Variants in CALCA observed in about 807,000 individuals in gnomAD.
CALCA encodes the protein calcitonin related polypeptide alpha, also known as calcitonin.
CALCA carries 4 observed loss-of-function variants against 6.9 expected under a neutral mutation model. That is an observed-to-expected ratio of 0.58 (90% CI 0.29 to 1.33). CALCA has a LOEUF of 1.33. Among genes scored for constraint, CALCA ranks in the 40% most tolerant of loss-of-function variants. The pLI is 0.09. For missense variants in CALCA, 174 were observed against 178.3 expected (o/e 0.98, Z 0.14); for synonymous variants, 78 against 70.0 (o/e 1.11, Z -0.57).
downstream of CALCA, chr11:14,967,570 T>C (rs1357110843): frequency 7.3e-7 from 1 of 1,367,002 alleles, no homozygotes; most frequent in Non-Finnish European, 1.0e-6. Context: ...CCTTCCCTTA[T>C]GGATTTTTTA....
intron 1 of CALCA, among the ~76,000 whole-genome samples, chr11:14,971,659 G>A (rs1849608994): frequency 6.6e-6 from 1 of 152,152 alleles, no homozygotes; most frequent in Non-Finnish European, 1.5e-5. Flanking sequence ...TCTGCAATTG[G>A]AATCTGAGAA....
chr11:14,969,394 T>G (rs1849536376), intron 3 of CALCA, among the ~76,000 whole-genome samples: 1 of 152,084 alleles, frequency 6.6e-6, no homozygotes, highest in Non-Finnish European at 1.5e-5. Flanking sequence ...CCTGACAACA[T>G]GCACATCTCC....
chr11:14,969,167 G>A (rs1485908747), intron 3 of CALCA, among the ~76,000 whole-genome samples, 170 bp from the exon 4 acceptor site: 2 of 152,134 alleles, frequency 1.3e-5, no homozygotes, highest in Non-Finnish European at 2.9e-5. Flanking sequence ...AGTGGGCTAG[G>A]GCAATGCAGG....
downstream of CALCA, chr11:14,967,158 C>T (rs1281170033): frequency 6.3e-6 from 1 of 157,544 alleles, no homozygotes; most frequent in Non-Finnish European, 1.4e-5. Flanking sequence ...TCAGACTTAA[C>T]ATCTATTACC....
At chr11:14,969,081 G>A (rs1316967454) in intron 3 of CALCA, 84 bp from the exon 4 acceptor site, 7 of 1,294,974 alleles carry the variant, frequency 5.4e-6, no homozygotes, top group African/African-American at 2.9e-5. Context: ...GACCAGGCAG[G>A]GGACCCTGGG....
downstream of CALCA, chr11:14,968,195 CCCAGCCCCA>C: frequency 2.6e-6 from 1 of 381,786 alleles, no homozygotes; most frequent in South Asian, 2.4e-5. Flanking sequence ...TGGTCCCACA[CCCAGCCCCA>C]TTCACAAAGG....
Position 14,968,734 on chromosome 11 carries a change from C to T in CALCA, c.*65G>A. On this transcript the variant is annotated 3_prime_UTR_variant, in exon 4 of 4. Coordinates refer to ENST00000331587, the MANE Select transcript of CALCA (RefSeq NM_001741.3). ...GCCCAAAGAGCCACCAGAGAGGAAC[C>T]AAACCACATGCATCAAGTTATAGGA... is the stretch of plus-strand genomic sequence containing the variant. 1 of 1,613,342 alleles carries T rather than the reference C, an allele frequency of 6.2e-7. No homozygotes were observed. Among genetic ancestry groups the T allele is most frequent in the Non-Finnish European group, 8.5e-7 (1 of 1,179,792 alleles).
rs34414857 is a variant in CALCA, at chr11:14,968,858, A to T, written c.367T>A (p.Ser123Thr). 1,177 of 1,614,200 alleles carry T rather than the reference A, an allele frequency of 7.3e-4. 7 individuals are homozygous for T. The African/African-American group carries it at 9.0e-3, about 12-fold the overall frequency. Residue 123 changes from serine to threonine, a missense_variant, in exon 4 of 4, where the codon TCC becomes ACC. Coordinates refer to ENST00000331587, the MANE Select transcript of CALCA (RefSeq NM_001741.3). ...VGAPGKKRDMSSDLERDHRPH... is the reference protein window; with the variant it reads ...VGAPGKKRDMTSDLERDHRPH... ...CGATGGTCTCTCTCCAAGTCGCTGG[A>T]CATATCCCTTTTCTTTCCAGGTGCT...
At chr11:14,968,458 G>A (rs2133580085), downstream of CALCA, 2 of 1,219,108 alleles carry the variant, frequency 1.6e-6, no homozygotes, top group South Asian at 3.2e-5. Flanking sequence ...ACACTATGAA[G>A]CCTGGGACAT....
At chr11:14,969,817 G>T in intron 3 of CALCA, 118 bp downstream of exon 3, 3 of 1,513,722 alleles carry the variant, frequency 2.0e-6, no homozygotes, top group Non-Finnish European at 2.7e-6. Flanking sequence ...AGGTCCCGGT[G>T]AACAACACAG....
In CALCA at chr11:14,968,571, C is replaced by T; in HGVS notation, c.*228G>A. The T allele has an allele frequency of 7.0e-7, 1 of 1,432,712 alleles. No homozygotes were observed. Among genetic ancestry groups the T allele is most frequent in the Non-Finnish European group, 9.1e-7 (1 of 1,094,560 alleles). 88.7% of individuals were successfully genotyped at this position (1,432,712 alleles called of 1,614,324 possible). On this transcript the variant is annotated 3_prime_UTR_variant, in exon 4 of 4. Coordinates refer to ENST00000331587, the MANE Select transcript of CALCA (RefSeq NM_001741.3). ...AAGCAGGACAGAGGAGCTCTGATGA[C>T]ATCTCTGGGGGACTCAAAGCGGCCC...
rs375799426 is a variant in CALCA at position 14,969,982 on chromosome 11, C to T, written c.180G>A (p.Gln60=). ...LLAALVQDYV[Q]MKASELEQEQ... Reference sequence around the variant, plus strand: ...CCTGCTCCAGCTCACTGGCCTTCATCTGCACATAGTCCTGCACCAGTGCAG... The same window carrying T: ...CCTGCTCCAGCTCACTGGCCTTCATTTGCACATAGTCCTGCACCAGTGCAG... Residue 60 remains glutamine, a synonymous_variant, in exon 3 of 4, where the codon CAG becomes CAA. Transcript: ENST00000331587. 6.2e-7 allele frequency: 1 copy of T among 1,613,898 alleles called. No homozygotes were observed. Among genetic ancestry groups the T allele is most frequent in the African/African-American group, 1.3e-5 (1 of 74,952 alleles).
chr11:14,969,065 A>C, intron 3 of CALCA, 68 bp from the exon 4 acceptor site: 1 of 1,453,528 alleles, frequency 6.9e-7, no homozygotes, highest in South Asian at 1.1e-5. Flanking sequence ...GTCACTTAGA[A>C]GGTTAGACCA....
intron 1 of CALCA, among the ~76,000 whole-genome samples, chr11:14,971,781 T>C (rs1340546019): frequency 6.6e-6 from 1 of 152,218 alleles, no homozygotes; most frequent in Non-Finnish European, 1.5e-5. Context: ...CTCTCTTTGC[T>C]CCCAGAGCCT....
At chr11:14,969,894 G>T in intron 3 of CALCA, 41 bp downstream of exon 3, 7 of 1,612,042 alleles carry the variant, frequency 4.3e-6, no homozygotes, top group South Asian at 1.1e-5. Context: ...TGTATGCTGC[G>T]GGGAGAGGAG....
downstream of CALCA, chr11:14,968,053 T>C (rs1849497766): frequency 1.5e-6 from 1 of 651,018 alleles, no homozygotes; most frequent in Non-Finnish European, 2.6e-6. Context: ...CCCATAGATA[T>C]TCCCAGGGGT....
downstream of CALCA, chr11:14,967,662 A>G: frequency 6.2e-7 from 1 of 1,613,432 alleles, no homozygotes; most frequent in Non-Finnish European, 8.5e-7. Context: ...CCCATCATAC[A>G]AGGGCAGTCA....
At position 14,969,399 on chromosome 11, in the gene CALCA, A is replaced by G. The variant is rs567531174; in HGVS notation, c.228-402T>C. Among the ~76,000 whole-genome samples the G allele has an allele frequency of 2.0e-5, 3 of 152,232 alleles. No homozygotes were observed. In the East Asian group the frequency reaches 5.8e-4, roughly 29 times the overall value. ...TCCCTGGCCTCCTGACAACATGCACATCTCCACAGATGCCACACATTTAAA... is the reference window on the plus strand; with the variant it reads ...TCCCTGGCCTCCTGACAACATGCACGTCTCCACAGATGCCACACATTTAAA... On this transcript the variant is annotated intron_variant, in intron 3 of 3. Coordinates refer to ENST00000331587, the MANE Select transcript of CALCA (RefSeq NM_001741.3).
chr11:14,969,036 G>A lies in CALCA; in HGVS notation c.228-39C>T, dbSNP rs1409052648. On this transcript the variant is annotated intron_variant, in intron 3 of 3. Transcript: ENST00000331587. Reference sequence around the variant, plus strand: ...ACATACCAGACAGTACCATGCACCAGAATCTGTCCCCATGGGCAGTCACTT... The same window carrying A: ...ACATACCAGACAGTACCATGCACCAAAATCTGTCCCCATGGGCAGTCACTT... 6 of 1,589,888 alleles carry A rather than the reference G, an allele frequency of 3.8e-6. No individual in the cohort carries two copies. In the Admixed American group the frequency reaches 1.0e-4, roughly 27 times the overall value.
Sources: gnomAD v4.1 joint callset for allele counts (sites outside exome capture counted in the v4.1 genomes callset) on GRCh38, gnomAD v4.1.1 for gene constraint, MANE v1.5 for transcripts, NCBI Gene and HGNC (gene_info 2026-07-23, HGNC 2026-07-21) for gene names.